Variants in LSAMP observed in about 807,000 individuals in gnomAD.
LSAMP encodes limbic system-associated membrane protein.
LSAMP carries 7 observed loss-of-function variants against 38.6 expected under a neutral mutation model. That is an observed-to-expected ratio of 0.18 (90% CI 0.10 to 0.34). LSAMP has a LOEUF of 0.34. LSAMP is among the 10% of genes least tolerant of loss of function. The pLI, the probability that LSAMP is intolerant of heterozygous loss-of-function variation, is 1.00. For synonymous variants in LSAMP, 154 were observed against 166.8 expected, an observed-to-expected ratio of 0.92 and a Z score of 0.59; for missense variants, 313 against 420.0, an observed-to-expected ratio of 0.75 and a Z score of 2.23.
chr3:116,194,036 AC>A (rs527995500), intron 1 of LSAMP, among the ~76,000 whole-genome samples: 7 of 152,264 alleles, frequency 4.6e-5, no homozygotes, highest in African/African-American at 1.7e-4. Context: ...ATTGGAACTG[AC>A]CATTCTAAAG....
intron 3 of LSAMP, among the ~76,000 whole-genome samples, chr3:115,867,844 T>C (rs549059778): frequency 1.3e-4 from 20 of 152,276 alleles, no homozygotes; most frequent in African/African-American, 4.8e-4. Flanking sequence ...TTCTAAGAAG[T>C]GCTCTCCTGG....
intron 1 of LSAMP, among the ~76,000 whole-genome samples, chr3:116,134,101 T>C (rs1331005020): frequency 6.6e-6 from 1 of 152,188 alleles, no homozygotes; most frequent in Non-Finnish European, 1.5e-5. Flanking sequence ...TTTGGATTGA[T>C]TTAGTCCAAG....
chr3:115,871,584 TGTG>T (rs1253967567), intron 3 of LSAMP, among the ~76,000 whole-genome samples: 1 of 79,276 alleles, frequency 1.3e-5, no homozygotes, highest in Non-Finnish European at 2.2e-5. Context: ...CAACGTGTAG[TGTG>T]TGTGTGTGTG....
intron 1 of LSAMP, among the ~76,000 whole-genome samples, chr3:116,266,620 C>T (rs1026259778): frequency 1.3e-5 from 2 of 152,012 alleles, no homozygotes; most frequent in South Asian, 2.1e-4. Context: ...GCTACTTGTA[C>T]GTATGCCTTA....
intron 3 of LSAMP, among the ~76,000 whole-genome samples, chr3:115,970,221 T>C (rs886897412): frequency 6.6e-6 from 1 of 152,194 alleles, no homozygotes; most frequent in Non-Finnish European, 1.5e-5. Context: ...AGAAGCCTCT[T>C]TCCTCACCTT....
At chr3:116,135,720 T>C (rs549025146) in intron 1 of LSAMP, among the ~76,000 whole-genome samples, 5 of 152,196 alleles carry the variant, frequency 3.3e-5, no homozygotes, top group Non-Finnish European at 7.3e-5. Context: ...TAAACTTTCA[T>C]GATTACATTA....
At chr3:116,266,018 C>CT (rs397874981) in intron 1 of LSAMP, among the ~76,000 whole-genome samples, 13 of 151,588 alleles carry the variant, frequency 8.6e-5, no homozygotes, top group Admixed American at 3.9e-4. Context: ...TGTCTCTTGA[C>CT]TTTTTTTTAA....
intron 1 of LSAMP, among the ~76,000 whole-genome samples, chr3:116,336,990 C>T (rs983961706): frequency 4.0e-5 from 6 of 151,332 alleles, no homozygotes; most frequent in Non-Finnish European, 5.9e-5. Context: ...GATATTAAGT[C>T]TTGAAAAAAA....
At chr3:116,393,613 G>A (rs1477879173) in intron 1 of LSAMP, among the ~76,000 whole-genome samples, 1 of 152,148 alleles carries the variant, frequency 6.6e-6, no homozygotes, top group Non-Finnish European at 1.5e-5. Context: ...CAAAAACTCA[G>A]GCAAAGACAC....
chr3:116,193,183 G>T (rs1407597335), intron 1 of LSAMP, among the ~76,000 whole-genome samples: 1 of 152,180 alleles, frequency 6.6e-6, no homozygotes, highest in Non-Finnish European at 1.5e-5. Flanking sequence ...AAATGAGACT[G>T]CTATGCTTGC....
intron 1 of LSAMP, among the ~76,000 whole-genome samples, chr3:116,426,832 T>C (rs985622100): frequency 6.6e-6 from 1 of 151,878 alleles, no homozygotes; most frequent in African/African-American, 2.4e-5. Context: ...TAAAGAATTA[T>C]AAGCCGAAGT....
At chr3:116,160,461 AAAG>A (rs1056006848) in intron 1 of LSAMP, among the ~76,000 whole-genome samples, 2 of 151,466 alleles carry the variant, frequency 1.3e-5, no homozygotes, top group African/African-American at 4.9e-5. Flanking sequence ...GAGAGAGAGA[AAAG>A]AAGAGAAAAG....
chr3:115,810,235 C>CTG lies in LSAMP; in HGVS notation c.*81_*82insCA. On this transcript the variant is annotated 3_prime_UTR_variant, in exon 7 of 7. Coordinates refer to ENST00000490035, the MANE Select transcript of LSAMP (RefSeq NM_002338.5). ...CGGTCTCCCCCATCTCTCTCTCTCT[C>CTG]TCTCTCTCTGTCTCTCTCTCTCTGT... 1.0e-6 allele frequency: 1 copy of CTG among 970,360 alleles called. No homozygotes were observed. 60.1% of individuals were successfully genotyped at this position (970,360 alleles called of 1,614,324 possible). A position where few individuals can be genotyped will look rare whatever the true frequency, so the allele number is the denominator to read the frequency against.
chr3:116,138,354 A>G (rs1423328818), intron 1 of LSAMP, among the ~76,000 whole-genome samples: 1 of 152,148 alleles, frequency 6.6e-6, no homozygotes, highest in African/African-American at 2.4e-5. Flanking sequence ...TCAATTGTGG[A>G]TATTTTCTTT....
chr3:116,433,021 A>G (rs2049301869), intron 1 of LSAMP, among the ~76,000 whole-genome samples: 1 of 152,224 alleles, frequency 6.6e-6, no homozygotes, highest in South Asian at 2.1e-4. Flanking sequence ...ATCTTTAGTT[A>G]TCTCAAAACA....
At chr3:116,399,602 G>T (rs1018565028) in intron 1 of LSAMP, among the ~76,000 whole-genome samples, 1 of 152,158 alleles carries the variant, frequency 6.6e-6, no homozygotes, top group African/African-American at 2.4e-5. Flanking sequence ...GGATCACAGA[G>T]GTTTTGTCAA....
chr3:116,218,705 C>A (rs2046249104), intron 1 of LSAMP, among the ~76,000 whole-genome samples: 1 of 152,150 alleles, frequency 6.6e-6, no homozygotes, highest in Non-Finnish European at 1.5e-5. Flanking sequence ...CAGGCATGAT[C>A]ACAGCACACT....
chr3:116,232,154 G>T (rs1276263793), intron 1 of LSAMP, among the ~76,000 whole-genome samples: 1 of 152,174 alleles, frequency 6.6e-6, no homozygotes, highest in African/African-American at 2.4e-5. Flanking sequence ...ATAGCTCTCT[G>T]CATGGGTTTT....
intron 2 of LSAMP, among the ~76,000 whole-genome samples, chr3:116,066,353 A>G (rs1707428720): frequency 6.6e-6 from 1 of 152,162 alleles, no homozygotes; most frequent in African/African-American, 2.4e-5. Context: ...CTATGACAAG[A>G]ATGTTCTTCA....
Sources: allele counts gnomAD v4.1 joint callset (sites outside exome capture counted in the v4.1 genomes callset), GRCh38; gene constraint gnomAD v4.1.1; transcripts MANE v1.5; gene names NCBI Gene and HGNC (gene_info 2026-07-23, HGNC 2026-07-21).